The following CCDC73 variants were observed in gnomAD, a reference collection of about 807,000 sequenced individuals.
CCDC73 encodes the protein coiled-coil domain-containing protein 73.
CCDC73 carries 95 observed loss-of-function variants against 116.5 expected under a neutral mutation model. The observed-to-expected ratio is 0.82, with a 90% confidence interval of 0.69 to 0.97. CCDC73 has a LOEUF of 0.97. Ranked by LOEUF, CCDC73 falls within the 50% of genes least tolerant of loss-of-function variation. CCDC73 has a pLI of 0.00. For synonymous variants in CCDC73, 398 were observed against 401.3 expected, an observed-to-expected ratio of 0.99 and a Z score of 0.10; for missense variants, 1,066 against 1,206.8, an observed-to-expected ratio of 0.88 and a Z score of 1.73.
chr11:32,755,875 A>ATGTGTGTG lies in CCDC73; in HGVS notation c.135+4233_135+4234insCACACACA, dbSNP rs1850336208. 1.6e-5 allele frequency among the ~76,000 whole-genome samples: 2 copies of ATGTGTGTG among 121,804 alleles called. 1 individual carries two copies. The highest frequency in any genetic ancestry group is 3.2e-5 in the Non-Finnish European group (2 of 62,060). 79.9% of individuals were successfully genotyped at this position (121,804 alleles called of 152,430 possible). On this transcript the variant is annotated intron_variant, in intron 2 of 17. Coordinates refer to ENST00000335185, the MANE Select transcript of CCDC73 (RefSeq NM_001008391.4). ...TGTGTGTGTATATATCTCCATATATATATCTGTGTATATATCTCCATATAT... is the reference window on the plus strand; with the variant it reads ...TGTGTGTGTATATATCTCCATATATATGTGTGTGTATCTGTGTATATATCTCCATATAT...
chr11:32,651,906 A>G (rs1353684718), intron 12 of CCDC73, among the ~76,000 whole-genome samples: 1 of 152,002 alleles, frequency 6.6e-6, no homozygotes, highest in South Asian at 2.1e-4. Context: ...CATATCCCCA[A>G]CCCCTTTTCT....
chr11:32,712,865 T>C (rs971005071), intron 3 of CCDC73, among the ~76,000 whole-genome samples: 6 of 152,034 alleles, frequency 3.9e-5, no homozygotes, highest in South Asian at 2.1e-4. Flanking sequence ...TGAAAAAATA[T>C]ACTAATGTAG....
At chr11:32,715,812 G>A (rs552924041) in intron 3 of CCDC73, among the ~76,000 whole-genome samples, 4 of 152,238 alleles carry the variant, frequency 2.6e-5, no homozygotes, top group Non-Finnish European at 4.4e-5. Flanking sequence ...GGCAACTGCT[G>A]CAAAACAACT....
the CCDC73 span, chr11:32,829,824 C>T: frequency 1.0e-6 from 1 of 985,384 alleles, no homozygotes; most frequent in Non-Finnish European, 1.2e-6. Flanking sequence ...GCGCGGGCTC[C>T]CGGGAGACGC....
At chr11:32,818,564 T>C in the CCDC73 span, among the ~76,000 whole-genome samples, 1 of 152,166 alleles carries the variant, frequency 6.6e-6, no homozygotes, top group Non-Finnish European at 1.5e-5. Context: ...GTGTATATGC[T>C]CAAGAAAATG....
intron 9 of CCDC73, 62 bp downstream of exon 9, chr11:32,675,503 G>T: frequency 1.9e-6 from 2 of 1,037,974 alleles, no homozygotes; most frequent in African/African-American, 1.6e-5. Flanking sequence ...TCTAGTAATA[G>T]CGCATAAGAC....
intron 1 of CCDC73, among the ~76,000 whole-genome samples, chr11:32,763,933 T>C (rs370682899): frequency 1.3e-5 from 2 of 152,102 alleles, no homozygotes; most frequent in East Asian, 3.8e-4. Flanking sequence ...CTGATGGAGC[T>C]GAAAACCATG....
chr11:32,603,764 A>C (rs895706872), intron 17 of CCDC73: 4 of 152,230 alleles, frequency 2.6e-5, no homozygotes, highest in Non-Finnish European at 5.9e-5. Context: ...AGATTCCCAG[A>C]TAAAATTTTC....
chr11:32,665,958 A>C (rs186553326), intron 9 of CCDC73, among the ~76,000 whole-genome samples: 2,575 of 152,028 alleles, frequency 0.017, 74 homozygotes, highest in African/African-American at 0.057. Context: ...GTTGAAAATT[A>C]TTTTCTTTAA....
At chr11:32,603,062 A>AAAAG (rs748238708) in intron 17 of CCDC73, 42 bp from the exon 18 acceptor site, 1 of 1,477,334 alleles carries the variant, frequency 6.8e-7, no homozygotes, top group Non-Finnish European at 9.2e-7. Context: ...ATTATTATAC[A>AAAAG]AAAGATTTTA....
chr11:32,785,718 T>C (rs1290088652), intron 1 of CCDC73, among the ~76,000 whole-genome samples: 1 of 152,144 alleles, frequency 6.6e-6, no homozygotes, highest in East Asian at 1.9e-4. Flanking sequence ...TGCACCAGTT[T>C]TGAAGTTTTG....
At chr11:32,722,285 T>C (rs539945652) in intron 2 of CCDC73, among the ~76,000 whole-genome samples, 2 of 152,188 alleles carry the variant, frequency 1.3e-5, no homozygotes, top group African/African-American at 2.4e-5. Flanking sequence ...AAAAAGTGTA[T>C]TCTCTTAAAA....
At chr11:32,730,784 C>T (rs1468324863) in intron 2 of CCDC73, among the ~76,000 whole-genome samples, 4 of 152,024 alleles carry the variant, frequency 2.6e-5, no homozygotes, top group African/African-American at 9.7e-5. Context: ...CTATTGAGTT[C>T]TGAGGGGGAG....
intron 17 of CCDC73, among the ~76,000 whole-genome samples, chr11:32,607,854 TGG>T (rs1855376009): frequency 6.6e-6 from 1 of 152,164 alleles, no homozygotes; most frequent in Admixed American, 6.6e-5. Flanking sequence ...TTCACATGAC[TGG>T]GGAGGCCTCA....
chr11:32,673,298 T>C (rs748690629), intron 9 of CCDC73, among the ~76,000 whole-genome samples: 18 of 151,994 alleles, frequency 1.2e-4, no homozygotes, highest in Non-Finnish European at 2.4e-4. Flanking sequence ...GTGGGAGAGG[T>C]TGTGCATGTG....
chr11:32,828,021 C>T, the CCDC73 span, among the ~76,000 whole-genome samples: 69 of 151,728 alleles, frequency 4.5e-4, 1 homozygote, highest in East Asian at 9.9e-3. Flanking sequence ...GTTTAGACCA[C>T]GAGGTAGACA....
intron 12 of CCDC73, among the ~76,000 whole-genome samples, chr11:32,650,139 A>T (rs902547340): frequency 6.6e-6 from 1 of 152,060 alleles, no homozygotes; most frequent in African/African-American, 2.4e-5. Flanking sequence ...GTATGTAAGT[A>T]CTGGATTTAG....
chr11:32,763,030 A>C (rs1176103672), intron 1 of CCDC73, among the ~76,000 whole-genome samples: 1 of 152,232 alleles, frequency 6.6e-6, no homozygotes, highest in Admixed American at 6.5e-5. Flanking sequence ...CCTAACTGCA[A>C]GGCGGCAGTG....
the CCDC73 span, among the ~76,000 whole-genome samples, chr11:32,820,718 A>T: frequency 2.0e-5 from 3 of 152,092 alleles, no homozygotes; most frequent in Admixed American, 2.0e-4. Flanking sequence ...TTTCCACCAC[A>T]CCCTTCCCAG....
Sources: allele counts gnomAD v4.1 joint callset (sites outside exome capture counted in the v4.1 genomes callset), GRCh38; gene constraint gnomAD v4.1.1; transcripts MANE v1.5; gene names NCBI Gene and HGNC (gene_info 2026-07-23, HGNC 2026-07-21).